The following GAB2 variants were observed in gnomAD, a reference collection of about 807,000 sequenced individuals.
GAB2 encodes the protein GRB2-associated-binding protein 2.
GAB2 carries 26 observed loss-of-function variants against 65.5 expected under a neutral mutation model. That is an observed-to-expected ratio of 0.40 (90% CI 0.29 to 0.55). The LOEUF is 0.55. GAB2 is among the 20% of genes least tolerant of loss of function. GAB2 has a pLI of 0.53. For missense variants in GAB2, 884 were observed against 875.8 expected (o/e 1.01, Z -0.12); for synonymous variants, 321 against 329.6 (o/e 0.97, Z 0.28).
intron 2 of GAB2, among the ~76,000 whole-genome samples, chr11:78,277,314 G>A (rs554905503): frequency 6.6e-6 from 1 of 152,242 alleles, no homozygotes; most frequent in South Asian, 2.1e-4. Context: ...TTCTCACATT[G>A]TTAGAGTAGG....
intron 1 of GAB2, among the ~76,000 whole-genome samples, chr11:78,336,337 A>C (rs1472965641): frequency 1.4e-5 from 2 of 140,206 alleles, no homozygotes; most frequent in South Asian, 2.1e-4. Context: ...AAAAAAAAAA[A>C]AAAAAAAAAA....
At chr11:78,253,167 C>T (rs562962986) in intron 2 of GAB2, among the ~76,000 whole-genome samples, 53 of 152,086 alleles carry the variant, frequency 3.5e-4, no homozygotes, top group Non-Finnish European at 1.6e-4. Context: ...TATGCCATGA[C>T]GCCCAGCTAA....
intron 1 of GAB2, among the ~76,000 whole-genome samples, chr11:78,396,824 T>G (rs1356867474): frequency 3.3e-5 from 5 of 152,184 alleles, no homozygotes; most frequent in South Asian, 4.1e-4. Flanking sequence ...CTCCAACTCC[T>G]GACCTCAGGT....
At chr11:78,408,329 C>T (rs775748604) in intron 1 of GAB2, among the ~76,000 whole-genome samples, 13 of 151,994 alleles carry the variant, frequency 8.6e-5, no homozygotes, top group Admixed American at 2.0e-4. Flanking sequence ...GATTATAAGA[C>T]GACACCAACT....
At chr11:78,239,004 A>G (rs1218582709) in intron 3 of GAB2, among the ~76,000 whole-genome samples, 2 of 152,116 alleles carry the variant, frequency 1.3e-5, no homozygotes, top group African/African-American at 4.8e-5. Flanking sequence ...CAAATGGCCA[A>G]CGCACGCATG....
intron 3 of GAB2, among the ~76,000 whole-genome samples, chr11:78,238,312 G>A (rs368744263): frequency 1.3e-4 from 19 of 151,044 alleles, no homozygotes; most frequent in African/African-American, 2.9e-4. Flanking sequence ...AGGATTGCTC[G>A]AGACAACATA....
chr11:78,333,330 A>G (rs956754761), intron 1 of GAB2, among the ~76,000 whole-genome samples: 2 of 152,150 alleles, frequency 1.3e-5, no homozygotes, highest in Non-Finnish European at 2.9e-5. Context: ...CAGTGGTGCG[A>G]TCATGGCTCA....
chr11:78,269,233 A>G (rs769325519), intron 2 of GAB2, among the ~76,000 whole-genome samples: 1 of 152,102 alleles, frequency 6.6e-6, no homozygotes, highest in Admixed American at 6.5e-5. Flanking sequence ...GAGAAGATGC[A>G]TATTACCGCC....
chr11:78,220,080 G>A (rs918195156), intron 9 of GAB2, among the ~76,000 whole-genome samples: 4 of 152,266 alleles, frequency 2.6e-5, no homozygotes, highest in African/African-American at 7.2e-5. Flanking sequence ...TCTACAACAC[G>A]GGGGATGGGC....
Position 78,222,111 on chromosome 11 carries a change from C to A in GAB2, c.1652G>T (p.Arg551Met). 2 of 1,607,978 alleles carry A rather than the reference C, an allele frequency of 1.2e-6. No individual in the cohort carries two copies. The highest frequency in any genetic ancestry group is 1.7e-6 in the Non-Finnish European group (2 of 1,174,406). Residue 551 changes from arginine (R) to methionine (M), a missense_variant, in exon 7 of 10, where the codon AGG (arginine) becomes ATG (methionine). Arg to Met is a moderately conservative substitution (Grantham distance 91). Transcript: ENST00000361507. ...FKSPITKSWS[R>M]ANHTFNSSSS... ...CCCACACATACGCACTTACTTGGCCCTAGACCAAGACTTGGTGATAGGTGA... is the reference window on the plus strand; with the variant it reads ...CCCACACATACGCACTTACTTGGCCATAGACCAAGACTTGGTGATAGGTGA...
intron 1 of GAB2, among the ~76,000 whole-genome samples, chr11:78,325,602 G>A (rs1055484009): frequency 1.3e-5 from 2 of 152,178 alleles, no homozygotes; most frequent in Non-Finnish European, 2.9e-5. Flanking sequence ...GGTTCTTTCA[G>A]CCCTGGGGGT....
chr11:78,225,148 C>T lies in GAB2; in HGVS notation c.1262G>A (p.Arg421Gln), dbSNP rs780804816. The T allele has an allele frequency of 1.3e-5, 21 of 1,613,472 alleles. No homozygotes were observed. The highest frequency in any genetic ancestry group is 3.3e-5 in the Admixed American group (2 of 59,994). The change falls in exon 5 of 10, where the codon CGG becomes CAG. Residue 421 changes from arginine (R) to glutamine (Q), a missense_variant. By Grantham distance (43) the Arg-to-Gln change is conservative. Coordinates refer to ENST00000361507, the MANE Select transcript of GAB2 (RefSeq NM_080491.3). ...TCCATCACTCATGGATTCAGCAGAC[C>T]GGCCTGCACTCTCTCCACCACGCTG... is the stretch of plus-strand genomic sequence containing the variant. ...YPQRGGESAG[R>Q]SAESMSDGVG...
intron 1 of GAB2, among the ~76,000 whole-genome samples, chr11:78,308,955 G>C (rs1363423945): frequency 1.3e-5 from 2 of 152,208 alleles, no homozygotes; most frequent in Admixed American, 1.3e-4. Context: ...CTGGAAAGAT[G>C]CTGAGGGTAG....
intron 1 of GAB2, among the ~76,000 whole-genome samples, chr11:78,291,561 C>G (rs11237440): frequency 1.2e-5 from 1 of 80,896 alleles, no homozygotes; most frequent in African/African-American, 5.4e-5. Flanking sequence ...TTTTCTTTTT[C>G]TTTTTTTTTT....
intron 1 of GAB2, among the ~76,000 whole-genome samples, chr11:78,304,336 A>T (rs1297202071): frequency 6.6e-6 from 1 of 152,170 alleles, no homozygotes; most frequent in African/African-American, 2.4e-5. Context: ...CCAAAAAGCA[A>T]TCCCATACCC....
chr11:78,362,785 A>G (rs935967540), intron 1 of GAB2, among the ~76,000 whole-genome samples: 4 of 152,204 alleles, frequency 2.6e-5, no homozygotes, highest in South Asian at 2.1e-4. Context: ...AAAAAATTAC[A>G]TAAAGCATAT....
intron 1 of GAB2, among the ~76,000 whole-genome samples, chr11:78,350,710 T>G (rs1047962739): frequency 1.3e-5 from 2 of 152,226 alleles, no homozygotes; most frequent in African/African-American, 4.8e-5. Context: ...TGGTTGTTCC[T>G]CATTTCCATT....
chr11:78,374,845 C>T (rs974955418), intron 1 of GAB2, among the ~76,000 whole-genome samples: 7 of 151,944 alleles, frequency 4.6e-5, no homozygotes, highest in African/African-American at 1.7e-4. Context: ...ATGCATAAAA[C>T]AAGGTGGATG....
intron 1 of GAB2, among the ~76,000 whole-genome samples, chr11:78,404,970 A>G (rs934001194): frequency 2.0e-5 from 3 of 152,156 alleles, no homozygotes; most frequent in Non-Finnish European, 4.4e-5. Flanking sequence ...CACACATTAT[A>G]TGCTTGTATC....
Sources: gnomAD v4.1 joint callset for allele counts (sites outside exome capture counted in the v4.1 genomes callset) on GRCh38, gnomAD v4.1.1 for gene constraint, MANE v1.5 for transcripts, NCBI Gene and HGNC (gene_info 2026-07-23, HGNC 2026-07-21) for gene names.